CDC42BPB: variants seen among roughly 807,000 people sequenced by gnomAD.
The protein encoded by CDC42BPB is CDC42 binding protein kinase beta.
CDC42BPB carries 37 observed loss-of-function variants against 214.9 expected under a neutral mutation model. The observed-to-expected ratio is 0.17, with a 90% CI of 0.13 to 0.23. CDC42BPB has a LOEUF of 0.23. CDC42BPB is among the 10% of genes least tolerant of loss of function. The pLI is 1.00. For missense variants in CDC42BPB, 1,694 were observed against 2,227.0 expected (o/e 0.76, Z 4.82); for synonymous variants, 931 against 884.0 (o/e 1.05, Z -0.94).
intron 23 of CDC42BPB, among the ~76,000 whole-genome samples, chr14:102,953,841 C>CT (rs1892597499): frequency 6.6e-6 from 1 of 152,162 alleles, no homozygotes; most frequent in African/African-American, 2.4e-5. Context: ...GTAAGGTTCT[C>CT]TAAGTGCAGG....
intron 1 of CDC42BPB, among the ~76,000 whole-genome samples, chr14:103,022,999 TTTC>T (rs1337103484): frequency 2.0e-5 from 3 of 150,772 alleles, no homozygotes; most frequent in South Asian, 2.1e-4. Flanking sequence ...AGCTATTTTT[TTTC>T]TTTTCTTTTC....
At chr14:103,032,934 A>T (rs72704757) in intron 1 of CDC42BPB, among the ~76,000 whole-genome samples, 7,457 of 139,694 alleles carry the variant, frequency 0.053, 240 homozygotes, top group Non-Finnish European at 0.07. Flanking sequence ...CACTTTTTTT[A>T]AAAAAAAAAA....
intron 19 of CDC42BPB, 86 bp from the exon 20 acceptor site, chr14:102,963,241 G>C: frequency 6.6e-7 from 1 of 1,505,156 alleles, no homozygotes; most frequent in South Asian, 1.3e-5. Context: ...GAGAGAGCCG[G>C]GATTTCTCCC....
At chr14:102,937,532 G>A (rs908299878) in intron 36 of CDC42BPB, among the ~76,000 whole-genome samples, 1 of 144,510 alleles carries the variant, frequency 6.9e-6, no homozygotes. Flanking sequence ...GGATGGCGCC[G>A]GGGGCTAAGC....
chr14:102,974,215 G>A (rs1893627422), intron 11 of CDC42BPB, 66 bp from the exon 12 acceptor site: 1 of 1,565,550 alleles, frequency 6.4e-7, no homozygotes, highest in Non-Finnish European at 8.6e-7. Flanking sequence ...CTTTATGTTA[G>A]CTGACTTACT....
intron 1 of CDC42BPB, among the ~76,000 whole-genome samples, chr14:103,029,268 A>G (rs185888932): frequency 6.6e-6 from 1 of 152,364 alleles, no homozygotes; most frequent in Admixed American, 6.5e-5. Flanking sequence ...GGCTAAAGAA[A>G]TGCTAAATTA....
At chr14:102,946,993 T>C (rs181234111) in intron 27 of CDC42BPB, 3 of 424,694 alleles carry the variant, frequency 7.1e-6, no homozygotes, top group Admixed American at 6.4e-5. Flanking sequence ...ATTATAAAAG[T>C]AGATTCTGAA....
At chr14:103,054,146 G>C (rs1888809582) in intron 1 of CDC42BPB, among the ~76,000 whole-genome samples, 1 of 152,122 alleles carries the variant, frequency 6.6e-6, no homozygotes, top group Non-Finnish European at 1.5e-5. Context: ...TTACAGGCAT[G>C]AGCCACTGCA....
chr14:102,976,235 AG>A (rs1399278694), intron 9 of CDC42BPB, 186 bp from the exon 10 acceptor site: 1 of 984,954 alleles, frequency 1.0e-6, no homozygotes, highest in Non-Finnish European at 1.2e-6. Context: ...GACACTGACA[AG>A]GGCCCTCCCC....
chr14:103,056,973 G>T, intron 1 of CDC42BPB, 26 bp downstream of exon 1: 1 of 1,367,168 alleles, frequency 7.3e-7, no homozygotes, highest in Non-Finnish European at 9.5e-7. Context: ...AGAGCCGCAG[G>T]TCCGGCCCTG....
chr14:102,971,528 G>A (rs943902916), intron 13 of CDC42BPB, among the ~76,000 whole-genome samples: 25 of 152,298 alleles, frequency 1.6e-4, no homozygotes, highest in African/African-American at 5.1e-4. Flanking sequence ...TAAACTCAAC[G>A]ATCCATCTAT....
chr14:102,938,678 G>A lies in CDC42BPB; in HGVS notation c.4828-267C>T, dbSNP rs192264324. Reference sequence around the variant, plus strand: ...GAGTCTTGCTCTGTCCCCCAGGCTGGAGTGCAATGACGTGATCTCGGCTCA... The same window carrying A: ...GAGTCTTGCTCTGTCCCCCAGGCTGAAGTGCAATGACGTGATCTCGGCTCA... On this transcript the variant is annotated intron_variant, in intron 34 of 36. Coordinates refer to ENST00000361246, the MANE Select transcript of CDC42BPB (RefSeq NM_006035.4). 4.8e-4 allele frequency: 234 copies of A among 490,240 alleles called. 2 individuals are homozygous for A. The highest frequency in any genetic ancestry group is 2.7e-5 in the Non-Finnish European group (10 of 377,132). The allele number at this position is 490,240 out of a possible 1,614,324, so 30.4% of individuals were successfully genotyped here. A position where few individuals can be genotyped will look rare whatever the true frequency, so the allele number is the denominator to read the frequency against.
chr14:102,986,656 T>C (rs1894259147), intron 5 of CDC42BPB, 76 bp from the exon 6 acceptor site: 1 of 1,553,204 alleles, frequency 6.4e-7, no homozygotes, highest in African/African-American at 1.4e-5. Flanking sequence ...TAACTAGTGG[T>C]GATCAGATGA....
intron 1 of CDC42BPB, among the ~76,000 whole-genome samples, chr14:103,040,063 T>C (rs575201848): frequency 5.3e-5 from 8 of 152,192 alleles, no homozygotes; most frequent in Middle Eastern, 3.4e-3. Flanking sequence ...CACGTAAAAA[T>C]AGATAAAGTG....
chr14:103,024,548 T>C lies in CDC42BPB; in HGVS notation c.176-12360A>G, dbSNP rs34353282. 3.7e-3 allele frequency among the ~76,000 whole-genome samples: 557 copies of C among 152,330 alleles called. 2 individuals carry two copies. The highest frequency in any genetic ancestry group is 0.013 in the African/African-American group (524 of 41,564). ...TCAGTAATTAGTAATTTGGGGAATT[T>C]TTAGCAACTATTCGTAACATCCACC... is the stretch of plus-strand genomic sequence containing the variant. On this transcript the variant is annotated intron_variant, in intron 1 of 36. Transcript: ENST00000361246.
In CDC42BPB at chr14:102,949,785, C is replaced by A. The variant is rs763717292; in HGVS notation, c.3429G>T (p.Ala1143=). 10 of 1,613,394 alleles carry A rather than the reference C, an allele frequency of 6.2e-6. No homozygotes were observed. The highest frequency in any genetic ancestry group is 8.5e-6 in the Non-Finnish European group (10 of 1,180,008). Residue 1143 remains alanine (A), a synonymous_variant, in exon 26 of 37, where the codon GCG becomes GCT. Transcript: ENST00000361246. ...EGKSTQPGVI[A]SQVLDLRDDE... Reference sequence around the variant, plus strand: ...CAGACCTGAGATCCAAGACTTGGCTCGCAATGACACCAGGCTGGGTGGATT... The same window carrying A: ...CAGACCTGAGATCCAAGACTTGGCTAGCAATGACACCAGGCTGGGTGGATT...
At chr14:102,936,671 G>A (rs567644222) in intron 36 of CDC42BPB, among the ~76,000 whole-genome samples, 71 of 152,288 alleles carry the variant, frequency 4.7e-4, no homozygotes, top group Non-Finnish European at 6.9e-4. Context: ...TTTTTATTAT[G>A]TTTTAGAGAC....
At chr14:102,941,077 A>G (rs1315756089) in intron 30 of CDC42BPB, 1 of 956,748 alleles carries the variant, frequency 1.0e-6, no homozygotes, top group Non-Finnish European at 1.2e-6. Context: ...AAGAGCAGTG[A>G]CACAGCTGTG....
chr14:103,043,838 A>G (rs1888142917), intron 1 of CDC42BPB, among the ~76,000 whole-genome samples: 1 of 152,242 alleles, frequency 6.6e-6, no homozygotes, highest in Non-Finnish European at 1.5e-5. Context: ...TTATGTCACA[A>G]GGATTATCAA....
Sources: allele counts gnomAD v4.1 joint callset (sites outside exome capture counted in the v4.1 genomes callset), GRCh38; gene constraint gnomAD v4.1.1; transcripts MANE v1.5; gene names NCBI Gene and HGNC (gene_info 2026-07-23, HGNC 2026-07-21).